ATP2B1: variants seen among roughly 807,000 people sequenced by gnomAD.
ATP2B1 encodes the protein ATPase plasma membrane Ca2+ transporting 1.
Under a neutral mutation model 124.2 loss-of-function variants are expected in ATP2B1, and 14 were observed. The observed-to-expected ratio is 0.11, with a 90% CI of 0.07 to 0.18. ATP2B1 has a LOEUF of 0.18. ATP2B1 is among the 10% of genes least tolerant of loss of function. ATP2B1 has a pLI of 1.00. For synonymous variants in ATP2B1, 449 were observed against 492.4 expected (o/e 0.91, Z 1.17); for missense variants, 763 against 1,466.1 (o/e 0.52, Z 7.83).
At chr12:89,691,198 C>T (rs1890519656) in intron 1 of ATP2B1, among the ~76,000 whole-genome samples, 2 of 152,142 alleles carry the variant, frequency 1.3e-5, no homozygotes, top group South Asian at 2.1e-4. Context: ...AATCATCATC[C>T]TATTTAGAGG....
intron 1 of ATP2B1, among the ~76,000 whole-genome samples, chr12:89,677,971 TACAC>T (rs869199593): frequency 4.4e-4 from 23 of 52,308 alleles, no homozygotes; most frequent in South Asian, 1.5e-3. Context: ...TATATATATA[TACAC>T]ACACACACAC....
chr12:89,614,012 TACTGAAAA>T (rs2136027269), intron 12 of ATP2B1, among the ~76,000 whole-genome samples: 2 of 152,350 alleles, frequency 1.3e-5, no homozygotes, highest in Admixed American at 6.5e-5. Flanking sequence ...CATTTTGTGA[TACTGAAAA>T]ACAAGTGCCA....
intron 1 of ATP2B1, among the ~76,000 whole-genome samples, chr12:89,676,299 A>C (rs573045705): frequency 6.6e-6 from 1 of 152,302 alleles, no homozygotes; most frequent in East Asian, 1.9e-4. Context: ...ATTACAGACA[A>C]GGTTTACACA....
Position 89,599,202 on chromosome 12 carries a change from T to A in ATP2B1, c.3266A>T (p.Asp1089Val). The change falls in exon 20 of 21, where the codon GAT becomes GTT. Residue 1089 changes from aspartate (D) to valine (V), a missense_variant. Asp to Val is a radical substitution (Grantham distance 152). Transcript: ENST00000428670. ...EEIPEEELAE[D>V]VEEIDHAERE... ...TTCAGCGTGATCAATCTCTTCAACA[T>A]CCTCTGCTAATTCCTCCTCAGGTAT... 6.2e-7 allele frequency: 1 copy of A among 1,614,144 alleles called. No individual in the cohort carries two copies. Among genetic ancestry groups the A allele is most frequent in the Non-Finnish European group, 8.5e-7 (1 of 1,180,010 alleles).
chr12:89,627,396 CAAAAAAAA>C (rs59737003), intron 7 of ATP2B1, among the ~76,000 whole-genome samples: 1 of 91,290 alleles, frequency 1.1e-5, no homozygotes, highest in Non-Finnish European at 2.4e-5. Flanking sequence ...TTCCAAAATC[CAAAAAAAA>C]AAAAAAAAAA....
At chr12:89,628,509 T>C (rs1443407980) in intron 6 of ATP2B1, among the ~76,000 whole-genome samples, 1 of 150,550 alleles carries the variant, frequency 6.6e-6, no homozygotes, top group Admixed American at 6.6e-5. Context: ...GGTAACTTAG[T>C]AAAACTAGAA....
intron 1 of ATP2B1, among the ~76,000 whole-genome samples, chr12:89,694,311 C>G (rs1476106458): frequency 6.6e-6 from 1 of 152,124 alleles, no homozygotes; most frequent in Non-Finnish European, 1.5e-5. Context: ...TAAAAAATCC[C>G]CAATGCCACT....
chr12:89,604,065 C>G, intron 16 of ATP2B1, 90 bp downstream of exon 16: 1 of 1,410,542 alleles, frequency 7.1e-7, no homozygotes, highest in South Asian at 1.3e-5. Flanking sequence ...TATTAAGCTT[C>G]AGCTTAAATA....
Position 89,621,754 on chromosome 12 carries a change from T to C in ATP2B1, c.1382A>G (p.Asp461Gly). The C allele has an allele frequency of 6.3e-7, 1 of 1,594,798 alleles. No individual in the cohort carries two copies. The highest frequency in any genetic ancestry group is 8.5e-7 in the Non-Finnish European group (1 of 1,171,834). ...AGCATTTCCCATGGTTTCACAAGCATCCAGATGCCTTACTAAGTTATTATC... is the reference window on the plus strand; with the variant it reads ...AGCATTTCCCATGGTTTCACAAGCACCCAGATGCCTTACTAAGTTATTATC... Reference protein sequence around the residue: ...MKDNNLVRHLDACETMGNATA... With the variant: ...MKDNNLVRHLGACETMGNATA... Residue 461 changes from aspartate (D) to glycine (G), a missense_variant, in exon 10 of 21, where the codon GAT (aspartate) becomes GGT (glycine). Transcript: ENST00000428670.
chr12:89,606,174 T>C (rs900824481), intron 15 of ATP2B1, among the ~76,000 whole-genome samples: 5 of 152,142 alleles, frequency 3.3e-5, no homozygotes, highest in African/African-American at 9.7e-5. Context: ...GATGATGGGA[T>C]AGGTAGTGAG....
At chr12:89,690,580 TA>T (rs1401262936) in intron 1 of ATP2B1, among the ~76,000 whole-genome samples, 116 of 145,688 alleles carry the variant, frequency 8.0e-4, no homozygotes, top group African/African-American at 1.3e-3. Context: ...TTGCTTTTTT[TA>T]AAAAAAAAAA....
Position 89,621,810 on chromosome 12 carries a change from A to AG in ATP2B1, c.1345-20_1345-19insC, listed in dbSNP as rs1880009588. The stretch of plus-strand genomic sequence containing the variant: ...TCATTTTCTACAGTGACCAAAAAAA[A>AG]AAAACTAGTTAAGCTGCATATAAAA... On this transcript the variant is annotated intron_variant, in intron 9 of 20. Transcript: ENST00000428670. 1 of 1,522,358 alleles carries AG rather than the reference A, an allele frequency of 6.6e-7. No homozygotes were observed. Among genetic ancestry groups the AG allele is most frequent in the Middle Eastern group, 1.8e-4 (1 of 5,676 alleles). 94.3% of individuals were successfully genotyped at this position (1,522,358 alleles called of 1,614,324 possible). A position where few individuals can be genotyped will look rare whatever the true frequency, so the allele number is the denominator to read the frequency against.
intron 9 of ATP2B1, among the ~76,000 whole-genome samples, chr12:89,623,393 T>C (rs1267024100): frequency 4.6e-5 from 7 of 151,236 alleles, no homozygotes; most frequent in Non-Finnish European, 7.4e-5. Context: ...TTCCGTAAGA[T>C]AGAAAATTGA....
chr12:89,633,693 G>C (rs1592805569), intron 5 of ATP2B1, among the ~76,000 whole-genome samples: 1 of 152,064 alleles, frequency 6.6e-6, no homozygotes, highest in Non-Finnish European at 1.5e-5. Context: ...TTGCTCTAAA[G>C]TTGTGATTCT....
At chr12:89,661,497 G>A (rs1368975540) in intron 1 of ATP2B1, among the ~76,000 whole-genome samples, 1 of 152,016 alleles carries the variant, frequency 6.6e-6, no homozygotes. Flanking sequence ...AATAAAGCAA[G>A]TATTAAATAC....
intron 8 of ATP2B1, among the ~76,000 whole-genome samples, chr12:89,624,663 GA>G (rs1274679475): frequency 5.9e-5 from 9 of 152,088 alleles, no homozygotes; most frequent in Non-Finnish European, 1.0e-4. Flanking sequence ...GCCTTGTACT[GA>G]AACTAAGACA....
At chr12:89,628,029 C>T (rs1490330170) in intron 6 of ATP2B1, among the ~76,000 whole-genome samples, 3 of 151,868 alleles carry the variant, frequency 2.0e-5, no homozygotes, top group African/African-American at 7.3e-5. Flanking sequence ...AATATAACCC[C>T]AAGAAAGCAG....
intron 20 of ATP2B1, among the ~76,000 whole-genome samples, chr12:89,592,727 C>G (rs1490639887): frequency 1.3e-5 from 2 of 152,068 alleles, no homozygotes; most frequent in African/African-American, 2.4e-5. Flanking sequence ...ACTTGCCTTA[C>G]GGGGTTGTTG....
Position 89,603,740 on chromosome 12 carries a change from A to C in ATP2B1, c.2820T>G (p.Leu940=), listed in dbSNP as rs747854454. ...CAAATAAGAGTGTAAAGACTACTAC[A>C]AGTTGATAGAATGCATGACCCAAAA... ...KNILGHAFYQ[L]VVVFTLLFAG... The change falls in exon 17 of 21, where the codon CTT becomes CTG. Residue 940 remains leucine, a synonymous_variant. Coordinates refer to ENST00000428670, the MANE Select transcript of ATP2B1 (RefSeq NM_001366521.1). The surrounding 1 kb of genome is among the most constrained non-coding windows in gnomAD (Gnocchi z 4.3). 17 of 1,614,068 alleles carry C rather than the reference A, an allele frequency of 1.1e-5. No homozygotes were observed. The highest frequency in any genetic ancestry group is 1.4e-5 in the Non-Finnish European group (16 of 1,179,896).
Sources: gnomAD v4.1 joint callset for allele counts (sites outside exome capture counted in the v4.1 genomes callset) on GRCh38, gnomAD v4.1.1 for gene constraint, Gnocchi (gnomAD v3.1) non-coding constraint, MANE v1.5 for transcripts, NCBI Gene and HGNC (gene_info 2026-07-23, HGNC 2026-07-21) for gene names.